The following SLC39A11 variants were observed in gnomAD, a reference collection of about 807,000 sequenced individuals.
SLC39A11 encodes the protein zinc transporter ZIP11.
In SLC39A11, 33 loss-of-function variants were observed where a neutral mutation model predicts 36.1. The ratio of observed to expected loss-of-function variants is 0.91; its 90% CI spans 0.69 to 1.22. The LOEUF (loss-of-function observed/expected upper bound fraction) is 1.22, where lower values mean the gene tolerates loss of function less well. Ranked by LOEUF, SLC39A11 falls within the 50% of genes most tolerant of loss-of-function variation. SLC39A11 has a pLI of 0.00. For missense variants in SLC39A11, 432 were observed against 430.3 expected (o/e 1.00, Z -0.03); for synonymous variants, 166 against 170.3 (o/e 0.97, Z 0.20).
chr17:72,878,338 G>A (rs1185894495), intron 5 of SLC39A11, among the ~76,000 whole-genome samples: 1 of 152,086 alleles, frequency 6.6e-6, no homozygotes, highest in Admixed American at 6.5e-5. Context: ...CTTCTCTTGG[G>A]GATTTCCAGA....
intron 7 of SLC39A11, among the ~76,000 whole-genome samples, chr17:72,654,476 T>G (rs1364215557): frequency 6.6e-6 from 1 of 152,196 alleles, no homozygotes; most frequent in African/African-American, 2.4e-5. Flanking sequence ...GTTGGAGACA[T>G]GTGAATATAT....
chr17:72,718,556 GGA>G (rs2073511656), intron 7 of SLC39A11, among the ~76,000 whole-genome samples: 1 of 152,202 alleles, frequency 6.6e-6, no homozygotes, highest in Non-Finnish European at 1.5e-5. Context: ...CGACTTTGGG[GGA>G]GAGTTTTGAA....
intron 6 of SLC39A11, among the ~76,000 whole-genome samples, chr17:72,762,885 T>C (rs1049781410): frequency 1.3e-5 from 2 of 152,184 alleles, no homozygotes; most frequent in African/African-American, 4.8e-5. Flanking sequence ...CTCATTCATG[T>C]TCATTACTGC....
At chr17:73,064,873 T>C (rs142425886) in intron 3 of SLC39A11, among the ~76,000 whole-genome samples, 1 of 152,262 alleles carries the variant, frequency 6.6e-6, no homozygotes, top group African/African-American at 2.4e-5. Context: ...CTTCTCACCA[T>C]ACTTGGCAGA....
Position 73,006,162 on chromosome 17 carries a change from G to A in SLC39A11, c.306+25394C>T, listed in dbSNP as rs557394145. Reference sequence around the variant, plus strand: ...GTTCCAACACATGGATAAGGGTGGCGTCCATGAGATGAGATTAAAAGTGTA... The same window carrying A: ...GTTCCAACACATGGATAAGGGTGGCATCCATGAGATGAGATTAAAAGTGTA... On this transcript the variant is annotated intron_variant, in intron 4 of 9. Coordinates refer to ENST00000255559, the MANE Select transcript of SLC39A11 (RefSeq NM_139177.4). 1.4e-3 allele frequency among the ~76,000 whole-genome samples: 208 copies of A among 152,198 alleles called. 1 individual carries two copies. Among genetic ancestry groups the A allele is most frequent in the African/African-American group, 4.8e-3 (199 of 41,534 alleles).
intron 3 of SLC39A11, among the ~76,000 whole-genome samples, chr17:73,077,462 C>T (rs74505479): frequency 0.068 from 10,334 of 152,252 alleles, 622 homozygotes; most frequent in East Asian, 0.37. Flanking sequence ...AGATTACAGG[C>T]GCATGCCACC....
At chr17:72,920,469 A>G (rs956464714) in intron 5 of SLC39A11, among the ~76,000 whole-genome samples, 7 of 151,436 alleles carry the variant, frequency 4.6e-5, no homozygotes, top group African/African-American at 7.3e-5. Context: ...CTTCTCCCCA[A>G]ATATCTGCCT....
chr17:73,010,846 T>C (rs946059217), intron 4 of SLC39A11, among the ~76,000 whole-genome samples: 14 of 152,302 alleles, frequency 9.2e-5, no homozygotes, highest in African/African-American at 3.1e-4. Context: ...ATGGATCTGC[T>C]CCCCAAAAAT....
At chr17:72,716,165 G>T (rs72843238) in intron 7 of SLC39A11, among the ~76,000 whole-genome samples, 1 of 148,602 alleles carries the variant, frequency 6.7e-6, no homozygotes, top group Non-Finnish European at 1.5e-5. Context: ...TCATACAAGC[G>T]GGGTGTTGGG....
At chr17:72,721,776 C>A (rs1045285826) in intron 7 of SLC39A11, among the ~76,000 whole-genome samples, 1 of 152,036 alleles carries the variant, frequency 6.6e-6, no homozygotes, top group Non-Finnish European at 1.5e-5. Flanking sequence ...TTGAGAGCAG[C>A]CTGGCTAACA....
At chr17:72,838,129 AAAAAATTAAAATT>A (rs1485176069) in intron 6 of SLC39A11, 1 of 435,972 alleles carries the variant, frequency 2.3e-6, no homozygotes, top group East Asian at 3.5e-5. Context: ...TACTGGAAGA[AAAAAATTAAAATT>A]AAAAATTAAA....
intron 5 of SLC39A11, among the ~76,000 whole-genome samples, chr17:72,909,737 T>A (rs912259194): frequency 1.0e-5 from 1 of 99,016 alleles, no homozygotes; most frequent in Non-Finnish European, 2.4e-5. Flanking sequence ...TTTCTTTCTT[T>A]TTTTTCTTTT....
chr17:73,063,208 T>TA (rs752916243), intron 3 of SLC39A11, among the ~76,000 whole-genome samples: 1 of 152,220 alleles, frequency 6.6e-6, no homozygotes, highest in Non-Finnish European at 1.5e-5. Flanking sequence ...AAGGCATTTT[T>TA]AAAAATGAAT....
intron 3 of SLC39A11, among the ~76,000 whole-genome samples, chr17:73,033,563 C>T (rs147699084): frequency 7.9e-5 from 12 of 152,212 alleles, no homozygotes; most frequent in East Asian, 1.9e-4. Flanking sequence ...GGCAACATAG[C>T]GAGACTCTGC....
chr17:72,963,550 A>G (rs954928414), intron 4 of SLC39A11, among the ~76,000 whole-genome samples: 7 of 152,092 alleles, frequency 4.6e-5, no homozygotes, highest in Non-Finnish European at 1.0e-4. Flanking sequence ...TCTCTCCCTG[A>G]CATTTCTAGC....
At chr17:73,077,748 C>A (rs2060371893) in intron 3 of SLC39A11, among the ~76,000 whole-genome samples, 1 of 152,206 alleles carries the variant, frequency 6.6e-6, no homozygotes, top group Admixed American at 6.5e-5. Context: ...CTGAGCTCCT[C>A]ATTCGTGATA....
intron 5 of SLC39A11, among the ~76,000 whole-genome samples, chr17:72,888,420 C>G (rs1321497580): frequency 6.6e-6 from 1 of 152,136 alleles, no homozygotes; most frequent in Admixed American, 6.5e-5. Flanking sequence ...CTACCTGATC[C>G]CAACAGATGG....
At chr17:72,923,987 A>T (rs928518538) in intron 5 of SLC39A11, among the ~76,000 whole-genome samples, 6 of 151,662 alleles carry the variant, frequency 4.0e-5, no homozygotes, top group Non-Finnish European at 8.8e-5. Context: ...GCTACAACAA[A>T]TTTTTAAAAA....
chr17:72,959,554 T>C (rs1186601882), intron 4 of SLC39A11, among the ~76,000 whole-genome samples: 1 of 151,330 alleles, frequency 6.6e-6, no homozygotes, highest in Non-Finnish European at 1.5e-5. Flanking sequence ...ACAACGGACT[T>C]TGGGAACTTG....
Sources: gnomAD v4.1 joint callset for allele counts (sites outside exome capture counted in the v4.1 genomes callset) on GRCh38, gnomAD v4.1.1 for gene constraint, MANE v1.5 for transcripts, NCBI Gene and HGNC (gene_info 2026-07-23, HGNC 2026-07-21) for gene names.